Variants in KLHDC1 observed in about 807,000 individuals in gnomAD.
KLHDC1 encodes kelch domain-containing protein 1.
Under a neutral mutation model 68.3 loss-of-function variants are expected in KLHDC1, and 53 were observed. The ratio of observed to expected loss-of-function variants is 0.78; its 90% confidence interval spans 0.62 to 0.98. The LOEUF is 0.98. KLHDC1 is among the 50% of genes least tolerant of loss of function. KLHDC1 has a pLI of 0.00. For synonymous variants in KLHDC1, 148 were observed against 159.0 expected, an observed-to-expected ratio of 0.93 and a Z score of 0.52; for missense variants, 470 against 492.3, an observed-to-expected ratio of 0.95 and a Z score of 0.43.
intron 12 of KLHDC1, among the ~76,000 whole-genome samples, chr14:49,744,120 A>G (rs1208563309): frequency 3.8e-5 from 1 of 26,136 alleles, no homozygotes; most frequent in Non-Finnish European, 1.3e-3. Flanking sequence ...CCACGACTCT[A>G]CAAAAAAAAA....
At chr14:49,713,831 TATATATATA>T (rs1278007998) in intron 4 of KLHDC1, among the ~76,000 whole-genome samples, 2,403 of 13,694 alleles carry the variant, frequency 0.18, 562 homozygotes, top group East Asian at 0.39. Context: ...TATATATATA[TATATATATA>T]TATATATATA....
chr14:49,693,439 G>A, intron 1 of KLHDC1, 149 bp downstream of exon 1: 1 of 392,692 alleles, frequency 2.5e-6, no homozygotes, highest in Non-Finnish European at 4.4e-6. Flanking sequence ...GCTGGCCGCC[G>A]CCCCCACAGC....
At chr14:49,721,916 G>A (rs1020021315) in intron 4 of KLHDC1, among the ~76,000 whole-genome samples, 1 of 152,136 alleles carries the variant, frequency 6.6e-6, no homozygotes, top group African/African-American at 2.4e-5. Context: ...ACTCTATAGG[G>A]TGTAAATATT....
At chr14:49,729,586 A>T in intron 8 of KLHDC1, 38 bp downstream of exon 8, 1 of 1,310,708 alleles carries the variant, frequency 7.6e-7, no homozygotes, top group Non-Finnish European at 1.1e-6. Flanking sequence ...ATCTATAGGC[A>T]TGTGTATGTG....
intron 10 of KLHDC1, among the ~76,000 whole-genome samples, chr14:49,735,688 T>A (rs1040240792): frequency 3.9e-5 from 6 of 152,110 alleles, no homozygotes; most frequent in Non-Finnish European, 2.9e-5. Context: ...TACTACCTAC[T>A]TTTTTGGCTT....
In KLHDC1 at chr14:49,740,462, C is replaced by T. The variant is rs548598052; in HGVS notation, c.981+280C>T. 6.4e-4 allele frequency among the ~76,000 whole-genome samples: 98 copies of T among 152,184 alleles called. 2 individuals carry two copies. The highest frequency in any genetic ancestry group is 2.1e-3 in the African/African-American group (89 of 41,522). ...ACACCATTCTCCTGCCTCAGCCTCC[C>T]GAGTAGCTGGGACTACAGGCACCTG... On this transcript the variant is annotated intron_variant, in intron 11 of 12. Coordinates refer to ENST00000359332, the MANE Select transcript of KLHDC1 (RefSeq NM_172193.3).
intron 1 of KLHDC1, among the ~76,000 whole-genome samples, chr14:49,695,689 AATTGGAC>A (rs1375754324): frequency 6.6e-6 from 1 of 152,174 alleles, no homozygotes; most frequent in African/African-American, 2.4e-5. Flanking sequence ...GGTCCTTTGA[AATTGGAC>A]ATTGACTTCT....
intron 4 of KLHDC1, among the ~76,000 whole-genome samples, chr14:49,713,665 C>T (rs575932370): frequency 2.0e-5 from 3 of 150,656 alleles, no homozygotes; most frequent in Admixed American, 6.6e-5. Flanking sequence ...GTAAGAGGAT[C>T]GCTTGGGGCC....
Position 49,729,484 on chromosome 14 carries a change from T to C in KLHDC1, c.652-6T>C, listed in dbSNP as rs1208972024. ...TACTGACCAATGTAACACACTTTTCTTTTAGCAAACTAGGATGAATGATTT... is the reference window on the plus strand; with the variant it reads ...TACTGACCAATGTAACACACTTTTCCTTTAGCAAACTAGGATGAATGATTT... On this transcript the variant is annotated splice_polypyrimidine_tract_variant and splice_region_variant and intron_variant, in intron 7 of 12. Transcript: ENST00000359332. The C allele has an allele frequency of 1.2e-6, 2 of 1,603,776 alleles. No homozygotes were observed. The highest frequency in any genetic ancestry group is 2.2e-5 in the East Asian group (1 of 44,716).
intron 4 of KLHDC1, among the ~76,000 whole-genome samples, chr14:49,714,831 C>T (rs1888327138): frequency 8.0e-6 from 1 of 125,318 alleles, no homozygotes; most frequent in Non-Finnish European, 1.6e-5. Context: ...ATATACTTAA[C>T]ACATAGTATA....
At position 49,710,359 on chromosome 14, in the gene KLHDC1, T is replaced by C. The variant is rs1329219142; in HGVS notation, c.382T>C (p.Ser128Pro). The C allele has an allele frequency of 5.0e-6, 8 of 1,599,674 alleles. No individual in the cohort carries two copies. Among genetic ancestry groups the C allele is most frequent in the African/African-American group, 1.3e-5 (1 of 74,614 alleles). The change falls in exon 4 of 13, where the codon TCC (serine) becomes CCC (proline). Residue 128 changes from serine (S) to proline (P), a missense_variant. By Grantham distance (74) the Ser-to-Pro change is moderately conservative. Coordinates refer to ENST00000359332, the MANE Select transcript of KLHDC1 (RefSeq NM_172193.3). ...ACCACCTACACCACGTGATAAACTT[T>C]CCTGCTGGGTATATAAAGACAGGTA... The part of the protein sequence containing the change: ...GQPPTPRDKL[S>P]CWVYKDRLIY...
At chr14:49,743,848 T>C in intron 12 of KLHDC1, 43 bp downstream of exon 12, 1 of 1,130,158 alleles carries the variant, frequency 8.8e-7, no homozygotes, top group Non-Finnish European at 1.3e-6. Flanking sequence ...TATGAGTATA[T>C]GATAATTTCT....
At position 49,745,035 on chromosome 14, in the gene KLHDC1, A is replaced by G. The variant is rs76715813; in HGVS notation, c.1034+1230A>G. On this transcript the variant is annotated intron_variant, in intron 12 of 12. Coordinates refer to ENST00000359332, the MANE Select transcript of KLHDC1 (RefSeq NM_172193.3). ...CTGTGAGAGTTGGGAGGAAGGAGGC[A>G]GGATTTGAGAGATGTAGAAGTTGCC... Among the ~76,000 whole-genome samples the G allele has an allele frequency of 2.1e-3, 325 of 152,320 alleles. 3 individuals carry two copies. In the East Asian group the frequency reaches 0.055, roughly 26 times the overall value.
At position 49,740,141 on chromosome 14, in the gene KLHDC1, G is replaced by C. The variant is rs777913644; in HGVS notation, c.940G>C (p.Val314Leu). The change falls in exon 11 of 13, where the codon GTA (valine) becomes CTA (leucine). Residue 314 changes from valine to leucine, a missense_variant. Val to Leu is a conservative substitution (Grantham distance 32). Coordinates refer to ENST00000359332, the MANE Select transcript of KLHDC1 (RefSeq NM_172193.3). Reference sequence around the variant, plus strand: ...TTTGGGAAAAGAAAATGAAATAATGGTATTTGGTGGGAGCAAAGATGACTT... The same window carrying C: ...TTTGGGAAAAGAAAATGAAATAATGCTATTTGGTGGGAGCAAAGATGACTT... ...ACLGKENEIMVFGGSKDDLLA... is the reference protein window; with the variant it reads ...ACLGKENEIMLFGGSKDDLLA... 1.9e-6 allele frequency: 3 copies of C among 1,611,748 alleles called. No homozygotes were observed. In the Admixed American group the frequency reaches 5.0e-5, roughly 27 times the overall value.
chr14:49,739,791 C>T (rs1272802681), intron 10 of KLHDC1, among the ~76,000 whole-genome samples: 4 of 152,140 alleles, frequency 2.6e-5, no homozygotes, highest in African/African-American at 9.7e-5. Context: ...TGGCTCATGC[C>T]TATAATCCCA....
intron 4 of KLHDC1, among the ~76,000 whole-genome samples, chr14:49,711,910 C>CTTTTTTTTTTTTTTTTTTTTTTTTTTTTT (rs992092493): frequency 2.0e-4 from 15 of 76,606 alleles, no homozygotes; most frequent in Non-Finnish European, 2.7e-4. Flanking sequence ...TTTTCTTTTT[C>CTTTTTTTTTTTTTTTTTTTTTTTTTTTTT]TTTTTTTTTT....
chr14:49,732,462 C>T (rs1021437058), intron 8 of KLHDC1, among the ~76,000 whole-genome samples: 9 of 152,148 alleles, frequency 5.9e-5, no homozygotes, highest in South Asian at 2.1e-4. Flanking sequence ...CATGAGCCAC[C>T]GCGTCGGCTG....
chr14:49,722,959 C>CAT (rs1888569247), intron 4 of KLHDC1, among the ~76,000 whole-genome samples: 1 of 151,692 alleles, frequency 6.6e-6, no homozygotes, highest in East Asian at 1.9e-4. Flanking sequence ...TGGTGGCAGG[C>CAT]GCCTGTAATC....
chr14:49,736,368 A>G (rs1888929871), intron 10 of KLHDC1, among the ~76,000 whole-genome samples: 1 of 152,134 alleles, frequency 6.6e-6, no homozygotes, highest in Non-Finnish European at 1.5e-5. Flanking sequence ...TGTAGAAAAA[A>G]CATCAGGTTG....
Sources: allele counts gnomAD v4.1 joint callset (sites outside exome capture counted in the v4.1 genomes callset), GRCh38; gene constraint gnomAD v4.1.1; transcripts MANE v1.5; gene names NCBI Gene and HGNC (gene_info 2026-07-23, HGNC 2026-07-21).